The following TSHZ2 variants were observed in gnomAD, a reference collection of about 807,000 sequenced individuals.
TSHZ2 encodes the protein teashirt zinc finger homeobox 2.
A neutral mutation model predicts 74.4 loss-of-function variants in TSHZ2; 21 were observed. That is an observed-to-expected ratio of 0.28 (90% CI 0.20 to 0.41). The LOEUF is 0.41. TSHZ2 is among the 10% of genes least tolerant of loss of function. The pLI, the probability that TSHZ2 is intolerant of heterozygous loss-of-function variation, is 1.00. For missense variants in TSHZ2, 1,244 were observed against 1,293.5 expected, an observed-to-expected ratio of 0.96 and a Z score of 0.59; for synonymous variants, 540 against 515.3, an observed-to-expected ratio of 1.05 and a Z score of -0.65.
chr20:53,425,247 G>GTTCCCT (rs1275671746), intron 2 of TSHZ2, among the ~76,000 whole-genome samples: 2 of 152,168 alleles, frequency 1.3e-5, no homozygotes, highest in Non-Finnish European at 2.9e-5. Context: ...ATAGTGCAGT[G>GTTCCCT]TTCCCTTTCT....
intron 1 of TSHZ2, among the ~76,000 whole-genome samples, chr20:53,140,422 C>T (rs2123412329): frequency 6.6e-6 from 1 of 151,554 alleles, no homozygotes; most frequent in South Asian, 2.1e-4. Context: ...CGCCTGTAGT[C>T]CCAGCTACTC....
chr20:53,479,872 AG>A (rs1986098479), intron 2 of TSHZ2, among the ~76,000 whole-genome samples: 3 of 152,194 alleles, frequency 2.0e-5, no homozygotes, highest in Admixed American at 2.0e-4. Flanking sequence ...CCCCACCAAA[AG>A]GAAGTATCTA....
intron 1 of TSHZ2, among the ~76,000 whole-genome samples, chr20:52,991,499 T>C (rs187222493): frequency 1.1e-4 from 16 of 149,936 alleles, no homozygotes; most frequent in African/African-American, 3.7e-4. Flanking sequence ...GAGAAGAGAG[T>C]GTGAAAGCTT....
chr20:53,038,310 T>C (rs1008289103), intron 1 of TSHZ2, among the ~76,000 whole-genome samples: 2 of 145,886 alleles, frequency 1.4e-5, no homozygotes, highest in African/African-American at 2.5e-5. Context: ...TCTCCATCAA[T>C]AAGCCTTTGG....
chr20:53,230,613 C>T (rs1452731166), intron 1 of TSHZ2, among the ~76,000 whole-genome samples: 1 of 152,322 alleles, frequency 6.6e-6, no homozygotes, highest in East Asian at 1.9e-4. Flanking sequence ...CAAATCATTG[C>T]CGGGCATGGT....
intron 1 of TSHZ2, among the ~76,000 whole-genome samples, chr20:53,048,765 C>G (rs536540345): frequency 6.6e-6 from 1 of 152,246 alleles, no homozygotes; most frequent in Admixed American, 6.5e-5. Context: ...CTTTTTTCCC[C>G]TTTTGTATGG....
intron 2 of TSHZ2, among the ~76,000 whole-genome samples, chr20:53,275,184 A>G (rs1037530016): frequency 2.0e-5 from 3 of 152,200 alleles, no homozygotes; most frequent in South Asian, 2.1e-4. Flanking sequence ...CTCTGAAGTC[A>G]TGGAAACATG....
In TSHZ2 at chr20:52,973,329, G is replaced by C. The variant is rs1311463699; in HGVS notation, c.36G>C (p.Ala12=). ...PRRKQQAPKR[A]AGYAQEEQLK... ...GAAAACAGCAGGCACCCAAGCGGGCGGCAGGTAAGAGAAACGGCTCCGCTT... is the reference window on the plus strand; with the variant it reads ...GAAAACAGCAGGCACCCAAGCGGGCCGCAGGTAAGAGAAACGGCTCCGCTT... The change falls in exon 1 of 3, where the codon GCG becomes GCC. Residue 12 remains alanine, a synonymous_variant. Transcript: ENST00000371497. The C allele has an allele frequency of 1.3e-6, 2 of 1,552,028 alleles. No individual in the cohort carries two copies. Among genetic ancestry groups the C allele is most frequent in the Admixed American group, 3.9e-5 (2 of 50,976 alleles).
chr20:53,015,050 T>C (rs1346396170), intron 1 of TSHZ2, among the ~76,000 whole-genome samples: 1 of 152,172 alleles, frequency 6.6e-6, no homozygotes, highest in Non-Finnish European at 1.5e-5. Flanking sequence ...TGGTGGCCAC[T>C]GTCTTTCCTT....
At chr20:53,143,322 A>G (rs1414469480) in intron 1 of TSHZ2, among the ~76,000 whole-genome samples, 1 of 152,244 alleles carries the variant, frequency 6.6e-6, no homozygotes, top group Non-Finnish European at 1.5e-5. Flanking sequence ...TATGGCTGAC[A>G]GCCGGAAGGT....
chr20:53,109,550 G>A (rs1239514247), intron 1 of TSHZ2, among the ~76,000 whole-genome samples: 1 of 152,158 alleles, frequency 6.6e-6, no homozygotes, highest in Admixed American at 6.5e-5. Flanking sequence ...GGCCCATCCT[G>A]TGATTTCTCT....
At chr20:53,430,848 C>G (rs1002464565) in intron 2 of TSHZ2, among the ~76,000 whole-genome samples, 1 of 151,976 alleles carries the variant, frequency 6.6e-6, no homozygotes, top group African/African-American at 2.4e-5. Flanking sequence ...CTCCTCCTCC[C>G]GAGTTCAACT....
intron 2 of TSHZ2, among the ~76,000 whole-genome samples, chr20:53,335,586 A>G (rs1979912525): frequency 6.6e-6 from 1 of 152,226 alleles, no homozygotes; most frequent in Non-Finnish European, 1.5e-5. Flanking sequence ...TTCCTTTTGC[A>G]TATCGGAAGA....
chr20:52,990,879 T>A (rs1211188149), intron 1 of TSHZ2, among the ~76,000 whole-genome samples: 2 of 152,222 alleles, frequency 1.3e-5, no homozygotes, highest in Non-Finnish European at 2.9e-5. Flanking sequence ...TGTGTGTGTG[T>A]GTTGGGTCTA....
At chr20:53,438,892 G>A (rs1025323307) in intron 2 of TSHZ2, among the ~76,000 whole-genome samples, 16 of 152,146 alleles carry the variant, frequency 1.1e-4, no homozygotes, top group Non-Finnish European at 1.6e-4. Flanking sequence ...CCCAGGAGGC[G>A]GAGGTTGCGG....
intron 2 of TSHZ2, among the ~76,000 whole-genome samples, chr20:53,438,345 G>A (rs1475915126): frequency 3.9e-5 from 6 of 151,960 alleles, no homozygotes; most frequent in African/African-American, 1.4e-4. Context: ...CCTGAGCTCA[G>A]GCAATACCCA....
intron 2 of TSHZ2, 152 bp from the exon 3 acceptor site, chr20:53,486,992 T>C (rs1986305412): frequency 6.6e-6 from 1 of 152,362 alleles, no homozygotes; most frequent in Non-Finnish European, 1.5e-5. Context: ...TTTTCATGTT[T>C]CACAGTCTGG....
chr20:53,419,072 A>C (rs2145712516), intron 2 of TSHZ2, among the ~76,000 whole-genome samples: 1 of 152,334 alleles, frequency 6.6e-6, no homozygotes, highest in South Asian at 2.1e-4. Flanking sequence ...GAAAAGCTAG[A>C]TCCATCGGGA....
At chr20:53,280,976 C>A (rs1395748307) in intron 2 of TSHZ2, among the ~76,000 whole-genome samples, 3 of 152,188 alleles carry the variant, frequency 2.0e-5, no homozygotes, top group African/African-American at 7.2e-5. Flanking sequence ...CAGGCGTGAG[C>A]CACCACGCCC....
Sources: allele counts gnomAD v4.1 joint callset (sites outside exome capture counted in the v4.1 genomes callset), GRCh38; gene constraint gnomAD v4.1.1; transcripts MANE v1.5; gene names NCBI Gene and HGNC (gene_info 2026-07-23, HGNC 2026-07-21).